The following ARHGAP6 variants were observed in gnomAD, a reference collection of about 807,000 sequenced individuals.
The protein encoded by ARHGAP6 is rho GTPase-activating protein 6.
A neutral mutation model predicts 55.7 loss-of-function variants in ARHGAP6; 16 were observed. The observed-to-expected ratio is 0.29, with a 90% CI of 0.19 to 0.44. The LOEUF is 0.44. Ranked by LOEUF, ARHGAP6 falls within the 20% of genes least tolerant of loss-of-function variation. ARHGAP6 has a pLI of 1.00. For missense variants in ARHGAP6, 698 were observed against 808.9 expected (o/e 0.86, Z 1.66); for synonymous variants, 382 against 360.9 (o/e 1.06, Z -0.66).
At chrX:11,221,855 T>C (rs2046977230) in intron 2 of ARHGAP6, among the ~76,000 whole-genome samples, 1 of 111,214 alleles carries the variant, frequency 9.0e-6, no homozygotes, top group Non-Finnish European at 1.9e-5. Flanking sequence ...TAGTACCTGA[T>C]GGGTGGTTTT....
Position 11,254,548 on chromosome X carries a change from C to A in ARHGAP6, c.748G>T (p.Asp250Tyr). Residue 250 changes from aspartate (D) to tyrosine (Y), a missense_variant and splice_region_variant, in exon 2 of 13, where the codon GAT (aspartate) becomes TAT (tyrosine). By Grantham distance (160) the Asp-to-Tyr change is radical (BLOSUM62 -3). Coordinates refer to ENST00000337414, the MANE Select transcript of ARHGAP6 (RefSeq NM_013427.3). ...GGCAGAAAGGCAGAAGAGGCCTTAC[C>A]TTTGGGAATGGTGATCTGACAGCTC... ...DLSCQITIPK[D>Y]GQKRKKSLRK... The A allele has an allele frequency of 8.3e-7, 1 of 1,208,191 alleles. No individual in the cohort carries two copies. The highest frequency in any genetic ancestry group is 1.1e-6 in the Non-Finnish European group (1 of 894,272).
chrX:11,556,002 G>A (rs2051317208), intron 1 of ARHGAP6, among the ~76,000 whole-genome samples: 1 of 111,113 alleles, frequency 9.0e-6, no homozygotes, highest in South Asian at 3.9e-4. Flanking sequence ...GGGATGGCAT[G>A]CTCTGTGTCA....
At chrX:11,434,011 T>C (rs1358205310) in intron 1 of ARHGAP6, among the ~76,000 whole-genome samples, 1 of 111,711 alleles carries the variant, frequency 9.0e-6, no homozygotes, top group East Asian at 2.8e-4. Flanking sequence ...CCTAGGCCAG[T>C]GATTCTCAAC....
At chrX:11,222,135 T>C (rs753264912) in intron 2 of ARHGAP6, among the ~76,000 whole-genome samples, 1 of 112,256 alleles carries the variant, frequency 8.9e-6, no homozygotes, top group South Asian at 3.7e-4. Context: ...GTGAGAAACA[T>C]GTAATTAATT....
intron 1 of ARHGAP6, among the ~76,000 whole-genome samples, chrX:11,586,029 T>C (rs1310067158): frequency 9.0e-6 from 1 of 111,461 alleles, no homozygotes; most frequent in African/African-American, 3.3e-5. Flanking sequence ...ACCGCCCCCA[T>C]GATCCAATCA....
chrX:11,187,121 A>C (rs2046395611), intron 4 of ARHGAP6, among the ~76,000 whole-genome samples: 1 of 111,739 alleles, frequency 8.9e-6, no homozygotes, highest in African/African-American at 3.3e-5. Context: ...ACCAGGCCTC[A>C]GGAATCACTG....
chrX:11,230,095 G>A (rs2047105697), intron 2 of ARHGAP6, among the ~76,000 whole-genome samples: 1 of 112,459 alleles, frequency 8.9e-6, no homozygotes, highest in Non-Finnish European at 1.9e-5. Flanking sequence ...AGAGGTCCAT[G>A]TGAGAGTTCT....
chrX:11,637,337 A>C (rs2052429775), intron 1 of ARHGAP6, among the ~76,000 whole-genome samples: 1 of 111,295 alleles, frequency 9.0e-6, no homozygotes, highest in Admixed American at 9.6e-5. Context: ...AATTCCACTA[A>C]ACTCTGGCAA....
intron 9 of ARHGAP6, among the ~76,000 whole-genome samples, chrX:11,162,844 A>AAAC (rs1449418146): frequency 8.9e-6 from 1 of 112,246 alleles, no homozygotes; most frequent in African/African-American, 3.2e-5. Context: ...ATCAATACAA[A>AAAC]AACTTCAAAA....
At chrX:11,269,325 C>G (rs2047666511) in intron 1 of ARHGAP6, among the ~76,000 whole-genome samples, 2 of 111,722 alleles carry the variant, frequency 1.8e-5, no homozygotes, top group Non-Finnish European at 3.8e-5. Context: ...AGTTGATCAA[C>G]TGGATGGTAA....
intron 1 of ARHGAP6, among the ~76,000 whole-genome samples, chrX:11,324,803 T>C (rs1433395796): frequency 8.9e-6 from 1 of 112,310 alleles, no homozygotes; most frequent in Non-Finnish European, 1.9e-5. Context: ...ATTTGTCCCA[T>C]GAACTTTTTG....
intron 1 of ARHGAP6, among the ~76,000 whole-genome samples, chrX:11,332,321 T>G (rs781389626): frequency 1.8e-5 from 2 of 112,168 alleles, no homozygotes; most frequent in Admixed American, 9.5e-5. Flanking sequence ...CTGATGAATC[T>G]TAGAGATATA....
intron 1 of ARHGAP6, among the ~76,000 whole-genome samples, chrX:11,548,824 G>T (rs1307247533): frequency 9.1e-6 from 1 of 110,471 alleles, no homozygotes; most frequent in Non-Finnish European, 1.9e-5. Flanking sequence ...GACCAGGCTG[G>T]TCTCAAACTC....
chrX:11,572,799 C>T (rs1470987982), intron 1 of ARHGAP6, among the ~76,000 whole-genome samples: 1 of 111,482 alleles, frequency 9.0e-6, no homozygotes, highest in Non-Finnish European at 1.9e-5. Flanking sequence ...GTTTACAGTC[C>T]CACCAACAGT....
At chrX:11,557,036 A>C (rs182502662) in intron 1 of ARHGAP6, among the ~76,000 whole-genome samples, 6 of 112,411 alleles carry the variant, frequency 5.3e-5, no homozygotes, top group African/African-American at 1.3e-4. Context: ...AGATACAGTA[A>C]TAAAAAGGAA....
At chrX:11,255,057 C>T (rs1360381871) in intron 1 of ARHGAP6, among the ~76,000 whole-genome samples, 1 of 111,534 alleles carries the variant, frequency 9.0e-6, no homozygotes, top group Admixed American at 9.5e-5. Context: ...TGCTAATTGC[C>T]ATCACACACA....
At chrX:11,454,202 C>T (rs1357057480) in intron 1 of ARHGAP6, among the ~76,000 whole-genome samples, 1 of 105,772 alleles carries the variant, frequency 9.5e-6, no homozygotes, top group Admixed American at 1.0e-4. Flanking sequence ...CCTCATGACA[C>T]GCCCGCCTCG....
chrX:11,359,044 A>T (rs1217314149), intron 1 of ARHGAP6, among the ~76,000 whole-genome samples: 3 of 112,351 alleles, frequency 2.7e-5, no homozygotes, highest in Non-Finnish European at 5.6e-5. Flanking sequence ...TATGTAAAAA[A>T]ATGGGTAAAT....
At chrX:11,220,906 C>T (rs1284588019) in intron 2 of ARHGAP6, among the ~76,000 whole-genome samples, 1 of 108,968 alleles carries the variant, frequency 9.2e-6, no homozygotes, top group Non-Finnish European at 1.9e-5. Context: ...TGCAGAGACA[C>T]ACATAGGCTC....
Sources: gnomAD v4.1 joint callset for allele counts (sites outside exome capture counted in the v4.1 genomes callset) on GRCh38, gnomAD v4.1.1 for gene constraint, MANE v1.5 for transcripts, NCBI Gene and HGNC (gene_info 2026-07-23, HGNC 2026-07-21) for gene names.